RECQL5: variants seen among roughly 807,000 people sequenced by gnomAD.
RECQL5 encodes the protein RecQ like helicase 5, also known as ATP-dependent DNA helicase Q5.
In RECQL5, 88 loss-of-function variants were observed where a neutral mutation model predicts 103.4. The observed-to-expected ratio is 0.85, with a 90% CI of 0.72 to 1.02. The LOEUF (loss-of-function observed/expected upper bound fraction) is 1.02, where lower values mean the gene tolerates loss of function less well. Ranked by LOEUF, RECQL5 falls within the 50% of genes least tolerant of loss-of-function variation. The pLI is 0.00. For missense variants in RECQL5, 1,232 were observed against 1,284.3 expected (o/e 0.96, Z 0.62); for synonymous variants, 552 against 507.9 (o/e 1.09, Z -1.17).
At chr17:75,655,364 C>T (rs1402259171) in intron 7 of RECQL5, among the ~76,000 whole-genome samples, 1 of 151,690 alleles carries the variant, frequency 6.6e-6, no homozygotes, top group East Asian at 1.9e-4. Flanking sequence ...AGCCCCTGCG[C>T]CTGGCCTTTT....
In RECQL5 at chr17:75,640,737, G is replaced by A; in HGVS notation, c.1230-9069C>T. On this transcript the variant is annotated intron_variant, in intron 8 of 19. Transcript: ENST00000317905. This position sits in a 1 kb window ranked among gnomAD's most constrained non-coding sequence, Gnocchi z 4.6. Reference sequence around the variant, plus strand: ...CAGTGGGTTTCTCTGGGAGGAGGGTGGGCATCCTTTCTCTCCCCCAACCTG... The same window carrying A: ...CAGTGGGTTTCTCTGGGAGGAGGGTAGGCATCCTTTCTCTCCCCCAACCTG... 2.6e-6 allele frequency: 4 copies of A among 1,529,460 alleles called. No homozygotes were observed. The highest frequency in any genetic ancestry group is 2.6e-6 in the Non-Finnish European group (3 of 1,132,588). The allele number at this position is 1,529,460 out of a possible 1,614,324, so 94.7% of individuals were successfully genotyped here.
At chr17:75,661,400 G>C (rs1029357685) in intron 5 of RECQL5, among the ~76,000 whole-genome samples, 1 of 152,168 alleles carries the variant, frequency 6.6e-6, no homozygotes, top group African/African-American at 2.4e-5. Flanking sequence ...GCATACAGTG[G>C]GAAGAACTCA....
At chr17:75,666,115 T>C (rs1168223319) in intron 2 of RECQL5, among the ~76,000 whole-genome samples, 1 of 152,064 alleles carries the variant, frequency 6.6e-6, no homozygotes, top group Non-Finnish European at 1.5e-5. Flanking sequence ...ACCAGCTGGG[T>C]GGTTCTGCCA....
At chr17:75,662,161 C>CAA (rs1191651793) in intron 4 of RECQL5, among the ~76,000 whole-genome samples, 2 of 147,258 alleles carry the variant, frequency 1.4e-5, no homozygotes, top group South Asian at 4.3e-4. Context: ...AACTCCATCT[C>CAA]AAAAAAAAAA....
At chr17:75,660,864 G>A in intron 6 of RECQL5, 91 bp downstream of exon 6, 1 of 917,138 alleles carries the variant, frequency 1.1e-6, no homozygotes, top group South Asian at 1.3e-5. Flanking sequence ...CCTCGAAGGA[G>A]CACATGCACC....
At chr17:75,628,830 G>A (rs2059153862) in intron 16 of RECQL5, 68 bp from the exon 17 acceptor site, 1 of 1,601,668 alleles carries the variant, frequency 6.2e-7, no homozygotes. Flanking sequence ...GGAGGCCTAG[G>A]AGAGCCCATC....
chr17:75,647,748 G>T (rs1325449654), intron 8 of RECQL5: 1 of 618,710 alleles, frequency 1.6e-6, no homozygotes, highest in African/African-American at 1.9e-5. Context: ...CTAGTAAGAT[G>T]GGGAGGCTGG....
intron 15 of RECQL5, 43 bp from the exon 16 acceptor site, chr17:75,629,518 C>G: frequency 6.7e-7 from 1 of 1,499,240 alleles, no homozygotes; most frequent in Non-Finnish European, 8.9e-7. Flanking sequence ...GCCCACTAGG[C>G]CCCCTTGAGG....
rs768443508 is a variant in RECQL5 at position 75,631,001 on chromosome 17, G to C, written c.1558C>G (p.Pro520Ala). ...GGGGGTACAAATTCTTCTATCTTGG[G>C]GTCTTTGCCCTGGAGGACAACATGA... ...KQMQLRKGKD[P>A]KIEEFVPPDE... Residue 520 changes from proline to alanine, a missense_variant, in exon 11 of 20, where the codon CCC becomes GCC. Coordinates refer to ENST00000317905, the MANE Select transcript of RECQL5 (RefSeq NM_004259.7). 6 of 1,613,850 alleles carry C rather than the reference G, an allele frequency of 3.7e-6. No homozygotes were observed. The highest frequency in any genetic ancestry group is 4.2e-6 in the Non-Finnish European group (5 of 1,179,964).
chr17:75,648,338 G>A (rs941895315), intron 8 of RECQL5, among the ~76,000 whole-genome samples: 4 of 152,056 alleles, frequency 2.6e-5, no homozygotes, highest in East Asian at 1.9e-4. Flanking sequence ...TTATACTCTC[G>A]AAACACCATT....
chr17:75,660,950 C>T lies in RECQL5; in HGVS notation c.986+5G>A, dbSNP rs1249662162. Reference sequence around the variant, plus strand: ...CAGGAGGGCAGGGCAAGAACCAAAGCTCACCTGACATTGGCTTTATCCACT... The same window carrying T: ...CAGGAGGGCAGGGCAAGAACCAAAGTTCACCTGACATTGGCTTTATCCACT... On this transcript the variant is annotated splice_donor_5th_base_variant and intron_variant, in intron 6 of 19. Transcript: ENST00000317905. 2 of 1,608,854 alleles carry T rather than the reference C, an allele frequency of 1.2e-6. No individual in the cohort carries two copies. Among genetic ancestry groups the T allele is most frequent in the African/African-American group, 1.3e-5 (1 of 74,932 alleles).
intron 3 of RECQL5, among the ~76,000 whole-genome samples, chr17:75,664,337 A>G (rs1025315867): frequency 6.6e-6 from 1 of 152,180 alleles, no homozygotes; most frequent in African/African-American, 2.4e-5. Flanking sequence ...CCTTACCAAA[A>G]TAAGCAGGAC....
Position 75,630,769 on chromosome 17 carries a change from C to G in RECQL5, c.1644+10G>C. ...CCCGGCGGGTGGCTGAGGAGCTGCCCGTCTCTTACCTTCACAGTCAGCCTG... is the reference window on the plus strand; with the variant it reads ...CCCGGCGGGTGGCTGAGGAGCTGCCGGTCTCTTACCTTCACAGTCAGCCTG... On this transcript the variant is annotated intron_variant, in intron 12 of 19. Transcript: ENST00000317905. 3 of 1,570,816 alleles carry G rather than the reference C, an allele frequency of 1.9e-6. No homozygotes were observed. The South Asian group carries it at 3.5e-5, about 18-fold the overall frequency.
intron 2 of RECQL5, among the ~76,000 whole-genome samples, chr17:75,665,627 T>C (rs1359008553): frequency 6.7e-6 from 1 of 149,886 alleles, no homozygotes; most frequent in East Asian, 2.0e-4. Context: ...GAGGCGGAGG[T>C]TGCAGTGAGC....
At chr17:75,660,465 C>T (rs553926825) in intron 6 of RECQL5, among the ~76,000 whole-genome samples, 2 of 152,226 alleles carry the variant, frequency 1.3e-5, no homozygotes, top group African/African-American at 4.8e-5. Flanking sequence ...GGTACTGCAG[C>T]CTGCACAGCT....
At chr17:75,630,946 A>G in intron 11 of RECQL5, 28 bp downstream of exon 11, 1 of 1,611,844 alleles carries the variant, frequency 6.2e-7, no homozygotes, top group Non-Finnish European at 8.5e-7. Context: ...AAGAGCCCAC[A>G]AGCCTCCAGG....
At chr17:75,635,141 G>C (rs754100536) in intron 8 of RECQL5, among the ~76,000 whole-genome samples, 1 of 152,214 alleles carries the variant, frequency 6.6e-6, no homozygotes, top group African/African-American at 2.4e-5. Flanking sequence ...CAATGACCCA[G>C]GGAAATGTGG....
intron 7 of RECQL5, among the ~76,000 whole-genome samples, chr17:75,657,747 TAAA>T (rs35049816): frequency 3.6e-5 from 4 of 112,188 alleles, no homozygotes; most frequent in Admixed American, 9.4e-5. Context: ...CCTTGTCTCT[TAAA>T]AAAAAAAAAA....
rs1404107586 is a variant in RECQL5, at chr17:75,628,600, G to A, written c.2580+72C>T. The A allele has an allele frequency of 6.6e-6, 10 of 1,517,290 alleles. No individual in the cohort carries two copies. In the South Asian group the frequency reaches 1.0e-4, roughly 15 times the overall value. 94.0% of individuals were successfully genotyped at this position (1,517,290 alleles called of 1,614,324 possible). A position where few individuals can be genotyped will look rare whatever the true frequency, so the allele number is the denominator to read the frequency against. On this transcript the variant is annotated intron_variant, in intron 17 of 19. Coordinates refer to ENST00000317905, the MANE Select transcript of RECQL5 (RefSeq NM_004259.7). ...AAGCTGATTTTCCCTGACCCCTTGA[G>A]CAGGGCACAACAGCTCCTGGCCTCG... is the stretch of plus-strand genomic sequence containing the variant.
Sources: allele counts gnomAD v4.1 joint callset (sites outside exome capture counted in the v4.1 genomes callset), GRCh38; gene constraint gnomAD v4.1.1; non-coding constraint Gnocchi (gnomAD v3.1); transcripts MANE v1.5; gene names NCBI Gene and HGNC (gene_info 2026-07-23, HGNC 2026-07-21).